The following GPHN variants were observed in gnomAD, a reference collection of about 807,000 sequenced individuals.
The protein encoded by GPHN is gephyrin.
GPHN carries 17 observed loss-of-function variants against 95.5 expected under a neutral mutation model. That is an observed-to-expected ratio of 0.18 (90% CI 0.12 to 0.27). The LOEUF (loss-of-function observed/expected upper bound fraction) is 0.27. Ranked by LOEUF, GPHN falls within the 10% of genes least tolerant of loss-of-function variation. GPHN has a pLI of 1.00. For missense variants in GPHN, 660 were observed against 978.1 expected (o/e 0.67, Z 4.34); for synonymous variants, 320 against 322.5 (o/e 0.99, Z 0.08).
the GPHN span, among the ~76,000 whole-genome samples, chr14:67,531,011 A>G: frequency 3.3e-5 from 5 of 152,322 alleles, no homozygotes; most frequent in African/African-American, 1.2e-4. Context: ...TTCTTTCACA[A>G]GAATGCCCTA....
At chr14:66,604,350 A>T in intron 1 of GPHN, among the ~76,000 whole-genome samples, 1 of 152,156 alleles carries the variant, frequency 6.6e-6, no homozygotes, top group East Asian at 1.9e-4. Context: ...CTTAACAAAA[A>T]TTGAAAAATA....
chr14:67,032,829 C>G (rs1459577567), intron 10 of GPHN, among the ~76,000 whole-genome samples: 1 of 152,074 alleles, frequency 6.6e-6, no homozygotes, highest in African/African-American at 2.4e-5. Flanking sequence ...GGCTGTTTCT[C>G]AAATGACTAA....
the GPHN span, among the ~76,000 whole-genome samples, chr14:67,606,406 G>C: frequency 6.6e-6 from 1 of 152,136 alleles, no homozygotes; most frequent in Non-Finnish European, 1.5e-5. Flanking sequence ...GTGCACTAAA[G>C]GTTTTTTAAT....
At chr14:67,541,707 C>T in the GPHN span, 2 of 605,904 alleles carry the variant, frequency 3.3e-6, no homozygotes, top group Non-Finnish European at 2.7e-6. Context: ...CAATTCTCTT[C>T]CCCAGCCCTG....
chr14:67,240,928 G>A, the GPHN span, among the ~76,000 whole-genome samples: 20 of 152,322 alleles, frequency 1.3e-4, 1 homozygote, highest in African/African-American at 4.6e-4. Context: ...GTTAGATTGG[G>A]TGACTAACTT....
chr14:67,185,294 T>C (rs544332901), downstream of GPHN, among the ~76,000 whole-genome samples: 8 of 152,290 alleles, frequency 5.3e-5, no homozygotes, highest in East Asian at 1.5e-3. Context: ...GGGCTGGATT[T>C]AAGGACCCTG....
At position 66,611,268 on chromosome 14, in the gene GPHN, G is replaced by A. The variant is rs79577490; in HGVS notation, c.65-69839G>A. The stretch of plus-strand genomic sequence containing the variant: ...GCAGTTATGACTTCTGTTCACTAAG[G>A]TTAATTCCATTGAATACATACAAAG... On this transcript the variant is annotated intron_variant, in intron 1 of 22. Coordinates refer to ENST00000478722, the MANE Select transcript of GPHN (RefSeq NM_020806.5). Among the ~76,000 whole-genome samples the A allele has an allele frequency of 6.3e-3, 963 of 152,140 alleles. 12 individuals are homozygous for A. Among genetic ancestry groups the A allele is most frequent in the African/African-American group, 0.022 (911 of 41,528 alleles).
intron 11 of GPHN, among the ~76,000 whole-genome samples, chr14:67,078,828 C>G (rs1187658655): frequency 6.6e-6 from 1 of 152,066 alleles, no homozygotes; most frequent in African/African-American, 2.4e-5. Context: ...GGAGCCCTTA[C>G]CATTTTCCAC....
the GPHN span, among the ~76,000 whole-genome samples, chr14:67,298,981 A>G: frequency 5.5e-4 from 84 of 152,328 alleles, 1 homozygote; most frequent in Middle Eastern, 3.4e-3. Flanking sequence ...TTTGAGATTC[A>G]TCCATGTTGT....
chr14:67,167,938 C>T (rs1206235026), intron 20 of GPHN, among the ~76,000 whole-genome samples: 1 of 152,192 alleles, frequency 6.6e-6, no homozygotes. Context: ...CACCCTTCCT[C>T]CTTTGAAGTG....
chr14:67,319,142 A>G, the GPHN span, among the ~76,000 whole-genome samples: 4 of 152,210 alleles, frequency 2.6e-5, no homozygotes, highest in African/African-American at 7.2e-5. Flanking sequence ...TGGAATTTAA[A>G]CAAGTGTAGT....
At position 66,916,131 on chromosome 14, in the gene GPHN, G is replaced by A. The variant is rs2153558114; in HGVS notation, c.456+62G>A. 7.9e-6 allele frequency: 9 copies of A among 1,136,190 alleles called. No individual in the cohort carries two copies. In the South Asian group the frequency reaches 8.7e-5, roughly 11 times the overall value. 70.4% of individuals were successfully genotyped at this position (1,136,190 alleles called of 1,614,324 possible). A position where few individuals can be genotyped will look rare whatever the true frequency, so the allele number is the denominator to read the frequency against. On this transcript the variant is annotated intron_variant, in intron 6 of 22. Transcript: ENST00000478722. ...AGCTTTTGACCAGCCGTGAAAGTTAGCCAGCCAAAAAGTTGGAGCACTCCA... is the reference window on the plus strand; with the variant it reads ...AGCTTTTGACCAGCCGTGAAAGTTAACCAGCCAAAAAGTTGGAGCACTCCA...
At chr14:67,542,590 G>A in the GPHN span, among the ~76,000 whole-genome samples, 1 of 152,160 alleles carries the variant, frequency 6.6e-6, no homozygotes, top group African/African-American at 2.4e-5. Context: ...GTCTTAAATG[G>A]GAATAATTAT....
At chr14:67,667,529 C>T in the GPHN span, among the ~76,000 whole-genome samples, 1 of 152,188 alleles carries the variant, frequency 6.6e-6, no homozygotes, top group African/African-American at 2.4e-5. Context: ...AAATAATACA[C>T]ATAACATTCA....
the GPHN span, among the ~76,000 whole-genome samples, chr14:67,700,714 C>CAAAAA: frequency 9.9e-6 from 1 of 101,106 alleles, no homozygotes; most frequent in East Asian, 2.7e-4. Flanking sequence ...GACTCCATCT[C>CAAAAA]AAAAAAAAAA....
At chr14:66,740,731 A>G (rs543804871) in intron 2 of GPHN, among the ~76,000 whole-genome samples, 1 of 152,314 alleles carries the variant, frequency 6.6e-6, no homozygotes, top group Admixed American at 6.5e-5. Flanking sequence ...GATGAATAAT[A>G]AAAGTTAGTG....
intron 8 of GPHN, among the ~76,000 whole-genome samples, chr14:66,940,091 C>G (rs1041115211): frequency 1.8e-4 from 28 of 152,172 alleles, no homozygotes; most frequent in African/African-American, 6.3e-4. Context: ...TTCCTGTCCC[C>G]TGAGCTCAAT....
chr14:67,455,139 T>C, the GPHN span, among the ~76,000 whole-genome samples: 1 of 152,176 alleles, frequency 6.6e-6, no homozygotes, highest in African/African-American at 2.4e-5. Context: ...CATGAGCCAA[T>C]GTGCAGGGCA....
At chr14:67,218,672 T>C in the GPHN span, among the ~76,000 whole-genome samples, 1 of 152,048 alleles carries the variant, frequency 6.6e-6, no homozygotes, top group Non-Finnish European at 1.5e-5. Context: ...CAGAAACATA[T>C]CTGTAGGGGA....
Sources: gnomAD v4.1 joint callset for allele counts (sites outside exome capture counted in the v4.1 genomes callset) on GRCh38, gnomAD v4.1.1 for gene constraint, MANE v1.5 for transcripts, NCBI Gene and HGNC (gene_info 2026-07-23, HGNC 2026-07-21) for gene names.